The following FUT8 variants were observed in gnomAD, a reference collection of about 807,000 sequenced individuals.
FUT8 encodes the protein alpha-(1,6)-fucosyltransferase.
In FUT8, 29 loss-of-function variants were observed where a neutral mutation model predicts 71.3. The observed-to-expected ratio is 0.41, with a 90% CI of 0.30 to 0.55. FUT8 has a LOEUF of 0.55. Among genes scored for constraint, FUT8 ranks in the 20% least tolerant of loss-of-function variants. The probability of loss-of-function intolerance (pLI) is 0.34; values close to 1 mark genes in which losing one functional copy is unlikely to be tolerated. For missense variants in FUT8, 544 were observed against 702.1 expected (o/e 0.77, Z 2.55); for synonymous variants, 254 against 239.3 (o/e 1.06, Z -0.57).
At chr14:65,363,204 C>G in the FUT8 span, among the ~76,000 whole-genome samples, 3 of 152,036 alleles carry the variant, frequency 2.0e-5, no homozygotes, top group Non-Finnish European at 4.4e-5. Flanking sequence ...TTGCTGCAAC[C>G]CCTGCCTTTC....
intron 5 of FUT8, 111 bp downstream of exon 5, chr14:65,616,484 C>T: frequency 1.0e-6 from 1 of 963,726 alleles, no homozygotes. Flanking sequence ...ATAGCACCTA[C>T]AATATTTAAG....
chr14:65,406,938 G>C (rs2065090924), upstream of FUT8, among the ~76,000 whole-genome samples: 1 of 152,138 alleles, frequency 6.6e-6, no homozygotes, highest in South Asian at 2.1e-4. Flanking sequence ...CCTGCCATGG[G>C]GTGATGCCAA....
the FUT8 span, among the ~76,000 whole-genome samples, chr14:65,401,661 G>A: frequency 6.6e-6 from 1 of 152,162 alleles, no homozygotes; most frequent in Non-Finnish European, 1.5e-5. Context: ...ACTTTGGAAG[G>A]CCAAGGTGGG....
At chr14:65,491,744 A>T (rs768000928) in intron 2 of FUT8, among the ~76,000 whole-genome samples, 1 of 152,188 alleles carries the variant, frequency 6.6e-6, no homozygotes, top group Non-Finnish European at 1.5e-5. Flanking sequence ...AATTAACAGA[A>T]AATCTTTTAG....
intron 6 of FUT8, among the ~76,000 whole-genome samples, chr14:65,663,743 T>C (rs1324203338): frequency 6.6e-6 from 1 of 152,138 alleles, no homozygotes; most frequent in Non-Finnish European, 1.5e-5. Flanking sequence ...TTCAGCTTGA[T>C]TTGAGATATA....
At chr14:65,691,634 G>T (rs1390719403) in intron 7 of FUT8, among the ~76,000 whole-genome samples, 4 of 151,774 alleles carry the variant, frequency 2.6e-5, no homozygotes, top group Admixed American at 6.6e-5. Context: ...GATCATTCTT[G>T]GGTGTTTCTC....
intron 1 of FUT8, among the ~76,000 whole-genome samples, chr14:65,429,959 G>A (rs559362443): frequency 6.6e-5 from 10 of 150,628 alleles, no homozygotes; most frequent in African/African-American, 1.7e-4. Flanking sequence ...CAGTGTCAGC[G>A]TTATGGAAAT....
At chr14:65,469,877 CA>C (rs1222116977) in intron 2 of FUT8, among the ~76,000 whole-genome samples, 9 of 152,326 alleles carry the variant, frequency 5.9e-5, no homozygotes, top group Admixed American at 5.9e-4. Flanking sequence ...CATCGGTGGC[CA>C]TGGGTGGGCT....
the FUT8 span, among the ~76,000 whole-genome samples, chr14:65,387,498 A>C: frequency 6.6e-6 from 1 of 152,188 alleles, no homozygotes; most frequent in Non-Finnish European, 1.5e-5. Flanking sequence ...CAACTCTAGA[A>C]CTAGCTCTTT....
chr14:65,456,560 A>G (rs1376913788), intron 2 of FUT8, among the ~76,000 whole-genome samples: 2 of 152,010 alleles, frequency 1.3e-5, no homozygotes, highest in Admixed American at 1.3e-4. Context: ...TCATACATTA[A>G]AAAAATGTGA....
chr14:65,724,062 C>A, intron 8 of FUT8, 85 bp from the exon 9 acceptor site: 4 of 975,110 alleles, frequency 4.1e-6, no homozygotes, highest in South Asian at 6.4e-5. Flanking sequence ...GCCTATAATG[C>A]CACCATAAGT....
At chr14:65,482,714 G>T (rs1164690975) in intron 2 of FUT8, among the ~76,000 whole-genome samples, 1 of 152,098 alleles carries the variant, frequency 6.6e-6, no homozygotes, top group Non-Finnish European at 1.5e-5. Context: ...TTACCAATCT[G>T]TTGCCTCTCA....
intron 2 of FUT8, among the ~76,000 whole-genome samples, chr14:65,547,195 A>G (rs1326447407): frequency 6.6e-6 from 1 of 150,882 alleles, no homozygotes; most frequent in Non-Finnish European, 1.5e-5. Flanking sequence ...CAGGGAACCC[A>G]TTTTTTGTTT....
intron 7 of FUT8, among the ~76,000 whole-genome samples, chr14:65,709,342 A>T (rs966323563): frequency 1.3e-5 from 2 of 152,170 alleles, no homozygotes; most frequent in Admixed American, 1.3e-4. Context: ...ACTCTGAAAG[A>T]TTACTAGAGA....
the FUT8 span, among the ~76,000 whole-genome samples, chr14:65,367,802 TC>T: frequency 6.6e-6 from 1 of 152,112 alleles, no homozygotes; most frequent in African/African-American, 2.4e-5. Context: ...CTGCAAATTG[TC>T]CCCAATACCC....
chr14:65,513,323 A>G (rs1327162917), intron 2 of FUT8, among the ~76,000 whole-genome samples: 2 of 152,212 alleles, frequency 1.3e-5, no homozygotes, highest in Non-Finnish European at 2.9e-5. Flanking sequence ...GCATTTATAC[A>G]TGTTTTAGTC....
At chr14:65,698,791 A>G (rs1057099605) in intron 7 of FUT8, among the ~76,000 whole-genome samples, 1 of 152,148 alleles carries the variant, frequency 6.6e-6, no homozygotes, top group Non-Finnish European at 1.5e-5. Flanking sequence ...TATTTATTCA[A>G]TTACGCATTT....
chr14:65,636,315 A>ATTTT (rs56786117), intron 6 of FUT8, among the ~76,000 whole-genome samples: 2 of 132,236 alleles, frequency 1.5e-5, no homozygotes, highest in African/African-American at 5.0e-5. Context: ...TATCTTTTGT[A>ATTTT]TTTTTTTTTT....
At chr14:65,598,327 A>T (rs1294177209) in intron 3 of FUT8, among the ~76,000 whole-genome samples, 1 of 151,898 alleles carries the variant, frequency 6.6e-6, no homozygotes, top group African/African-American at 2.4e-5. Context: ...GGTTCAAGTG[A>T]TTCTCCTGCC....
Sources: allele counts gnomAD v4.1 joint callset (sites outside exome capture counted in the v4.1 genomes callset), GRCh38; gene constraint gnomAD v4.1.1; transcripts MANE v1.5; gene names NCBI Gene and HGNC (gene_info 2026-07-23, HGNC 2026-07-21).